The following CLIC5 variants were observed in gnomAD, a reference collection of about 807,000 sequenced individuals.
CLIC5 encodes chloride intracellular channel protein 5.
A neutral mutation model predicts 24.7 loss-of-function variants in CLIC5; 20 were observed. That is an observed-to-expected ratio of 0.81 (90% CI 0.57 to 1.18). The LOEUF is 1.18. Ranked by LOEUF, CLIC5 falls within the 50% of genes most tolerant of loss-of-function variation. The probability of loss-of-function intolerance (pLI) is 0.00; values close to 1 mark genes in which losing one functional copy is unlikely to be tolerated. For synonymous variants in CLIC5, 159 were observed against 135.6 expected (o/e 1.17, Z -1.20); for missense variants, 341 against 326.1 (o/e 1.05, Z -0.35).
intron 1 of CLIC5, among the ~76,000 whole-genome samples, chr6:46,036,413 C>T (rs1458133635): frequency 6.6e-6 from 1 of 150,690 alleles, no homozygotes; most frequent in Non-Finnish European, 1.5e-5. Flanking sequence ...CAGGTTCACA[C>T]CATTCTCCTG....
intron 1 of CLIC5, among the ~76,000 whole-genome samples, chr6:45,978,544 C>T (rs1481754038): frequency 2.0e-5 from 3 of 152,206 alleles, no homozygotes; most frequent in African/African-American, 7.2e-5. Flanking sequence ...CTTGTTAAAA[C>T]ACAGTAGGTC....
At position 45,982,356 on chromosome 6, in the gene CLIC5, C is replaced by A. The variant is rs78632631; in HGVS notation, c.64-27112G>T. Among the ~76,000 whole-genome samples, 910 of 152,116 alleles carry A rather than the reference C, an allele frequency of 6.0e-3. 8 individuals carry two copies. Among genetic ancestry groups the A allele is most frequent in the African/African-American group, 0.021 (864 of 41,518 alleles). ...TTCCAGTCCTTTCAGTGGATGAGTT[C>A]ATGATATTATAAATTTTTTTATACA... On this transcript the variant is annotated intron_variant, in intron 1 of 5. Coordinates refer to ENST00000339561, the MANE Select transcript of CLIC5 (RefSeq NM_016929.5).
the CLIC5 span, among the ~76,000 whole-genome samples, chr6:46,088,644 TTC>T: frequency 6.6e-6 from 1 of 150,672 alleles, no homozygotes; most frequent in Non-Finnish European, 1.5e-5. Context: ...TACATTTTTA[TTC>T]TTTTTTAAAA....
chr6:46,082,203 C>T (rs1428370951), upstream of CLIC5, among the ~76,000 whole-genome samples: 1 of 152,132 alleles, frequency 6.6e-6, no homozygotes, highest in Non-Finnish European at 1.5e-5. Flanking sequence ...ACAGCATGTG[C>T]ATATGGATAC....
the CLIC5 span, among the ~76,000 whole-genome samples, chr6:46,122,365 A>G: frequency 2.0e-5 from 3 of 152,232 alleles, no homozygotes; most frequent in Non-Finnish European, 4.4e-5. Context: ...AGAAATAAAG[A>G]TGTTCTTTGA....
At chr6:45,992,190 C>G (rs1561988966) in intron 1 of CLIC5, among the ~76,000 whole-genome samples, 1 of 152,210 alleles carries the variant, frequency 6.6e-6, no homozygotes, top group South Asian at 2.1e-4. Context: ...AAATCTGACT[C>G]TGCCTTGGGG....
chr6:46,103,729 A>G, the CLIC5 span, among the ~76,000 whole-genome samples: 23 of 152,230 alleles, frequency 1.5e-4, no homozygotes, highest in African/African-American at 5.3e-4. Flanking sequence ...CTTTTCTCCA[A>G]TTCATCTGAG....
intron 1 of CLIC5, among the ~76,000 whole-genome samples, chr6:45,986,347 A>C (rs1765737116): frequency 2.6e-5 from 4 of 152,310 alleles, no homozygotes; most frequent in Non-Finnish European, 4.4e-5. Context: ...GAGGAGCACT[A>C]GGTTAGGAGT....
intron 1 of CLIC5, among the ~76,000 whole-genome samples, chr6:45,958,608 T>C (rs1764745726): frequency 6.6e-6 from 1 of 151,240 alleles, no homozygotes. Flanking sequence ...ATGCCACATA[T>C]AATATTCCAT....
rs752349932 is a variant in CLIC5 at position 45,949,375 on chromosome 6, T to C, written c.180A>G (p.Pro60=). 5 of 1,613,260 alleles carry C rather than the reference T, an allele frequency of 3.1e-6. No individual in the cohort carries two copies. The part of the protein sequence containing the change: ...NVTTVDLKRK[P]ADLHNLAPGT... Reference sequence around the variant, plus strand: ...CGGGGGCTAGGTTGTGCAGGTCAGCTGGCTTTCTGTAGAGAGAGCAAGATT... The same window carrying C: ...CGGGGGCTAGGTTGTGCAGGTCAGCCGGCTTTCTGTAGAGAGAGCAAGATT... The change falls in exon 3 of 6, where the codon CCA becomes CCG. Residue 60 remains proline (P), a synonymous_variant. Transcript: ENST00000339561.
At chr6:45,990,234 G>C (rs1178844737) in intron 1 of CLIC5, among the ~76,000 whole-genome samples, 2 of 152,130 alleles carry the variant, frequency 1.3e-5, no homozygotes, top group Non-Finnish European at 2.9e-5. Flanking sequence ...TCATCTGAAT[G>C]CTTCACCCTC....
chr6:46,080,471 C>T, upstream of CLIC5: 2 of 508,370 alleles, frequency 3.9e-6, no homozygotes, highest in Non-Finnish European at 6.9e-6. Context: ...CAGTTAACTC[C>T]TTCACTCCTA....
intron 1 of CLIC5, among the ~76,000 whole-genome samples, chr6:45,989,467 G>A (rs1295342767): frequency 6.6e-6 from 1 of 152,198 alleles, no homozygotes; most frequent in Non-Finnish European, 1.5e-5. Context: ...ATCAATGGAA[G>A]TAGTTTTCTA....
chr6:46,035,712 T>C (rs1334628551), intron 1 of CLIC5, among the ~76,000 whole-genome samples: 1 of 152,162 alleles, frequency 6.6e-6, no homozygotes, highest in Non-Finnish European at 1.5e-5. Flanking sequence ...CAGGGCTGTG[T>C]TGCAGCCAGA....
chr6:45,989,506 T>C (rs1455769788), intron 1 of CLIC5, among the ~76,000 whole-genome samples: 1 of 152,222 alleles, frequency 6.6e-6, no homozygotes, highest in Non-Finnish European at 1.5e-5. Context: ...GGTGATAATA[T>C]TACTGTTTGA....
intron 5 of CLIC5, chr6:45,912,591 A>G: frequency 6.9e-7 from 1 of 1,447,500 alleles, no homozygotes; most frequent in Non-Finnish European, 9.3e-7. Flanking sequence ...AATGAATTCC[A>G]AAAAGATTAA....
chr6:46,026,755 A>G (rs1232266557), intron 1 of CLIC5, among the ~76,000 whole-genome samples: 2 of 152,224 alleles, frequency 1.3e-5, no homozygotes, highest in Non-Finnish European at 2.9e-5. Context: ...AGGAGATCAT[A>G]GTGCTCAAAA....
At chr6:46,037,917 A>AG (rs887737046) in intron 1 of CLIC5, among the ~76,000 whole-genome samples, 2 of 152,184 alleles carry the variant, frequency 1.3e-5, no homozygotes, top group Admixed American at 6.5e-5. Flanking sequence ...TGTGGGTGGA[A>AG]GATAATACAA....
At chr6:46,016,474 G>A (rs968670961), upstream of CLIC5, among the ~76,000 whole-genome samples, 2 of 152,220 alleles carry the variant, frequency 1.3e-5, no homozygotes, top group Non-Finnish European at 2.9e-5. Flanking sequence ...ACCCGGTCAG[G>A]TGCGGCTTCC....
Sources: gnomAD v4.1 joint callset for allele counts (sites outside exome capture counted in the v4.1 genomes callset) on GRCh38, gnomAD v4.1.1 for gene constraint, MANE v1.5 for transcripts, NCBI Gene and HGNC (gene_info 2026-07-23, HGNC 2026-07-21) for gene names.